Variants in ARID5B observed in about 807,000 individuals in gnomAD.
The protein encoded by ARID5B is AT-rich interaction domain 5B.
Under a neutral mutation model 97.2 loss-of-function variants are expected in ARID5B, and 13 were observed. The observed-to-expected ratio is 0.13, with a 90% CI of 0.09 to 0.21. The LOEUF (loss-of-function observed/expected upper bound fraction) is 0.21, where lower values mean the gene tolerates loss of function less well. ARID5B is among the 10% of genes least tolerant of loss of function. The pLI, the probability that ARID5B is intolerant of heterozygous loss-of-function variation, is 1.00. For missense variants in ARID5B, 1,210 were observed against 1,465.3 expected (o/e 0.83, Z 2.84); for synonymous variants, 556 against 570.3 (o/e 0.97, Z 0.36).
chr10:61,903,184 G>A (rs559577155), intron 2 of ARID5B, among the ~76,000 whole-genome samples: 2 of 151,970 alleles, frequency 1.3e-5, no homozygotes, highest in East Asian at 3.9e-4. Context: ...GGGGGCGGGG[G>A]AGGGGAGGGC....
intron 8 of ARID5B, among the ~76,000 whole-genome samples, chr10:62,084,645 T>A (rs1840257621): frequency 6.6e-6 from 1 of 152,246 alleles, no homozygotes; most frequent in African/African-American, 2.4e-5. Flanking sequence ...ATCACTGAAG[T>A]TGAAACTGAG....
In ARID5B at chr10:61,914,972, G is replaced by A. The variant is rs140562892; in HGVS notation, c.276+12559G>A. Among the ~76,000 whole-genome samples the A allele has an allele frequency of 1.1e-4, 16 of 152,248 alleles. No individual in the cohort carries two copies. In the East Asian group the frequency reaches 2.9e-3, roughly 28 times the overall value. Reference sequence around the variant, plus strand: ...TCTCATTATAACTTTAGAATATATTGAGAACTCTCAATATCAGCACTGGGG... The same window carrying A: ...TCTCATTATAACTTTAGAATATATTAAGAACTCTCAATATCAGCACTGGGG... On this transcript the variant is annotated intron_variant, in intron 2 of 9. Coordinates refer to ENST00000279873, the MANE Select transcript of ARID5B (RefSeq NM_032199.3).
chr10:61,954,504 T>C (rs1838365253), intron 3 of ARID5B, among the ~76,000 whole-genome samples: 1 of 152,198 alleles, frequency 6.6e-6, no homozygotes, highest in Non-Finnish European at 1.5e-5. Context: ...CTGATGCTAG[T>C]TGGCTAGAAA....
chr10:62,065,014 T>C (rs1033754971), intron 7 of ARID5B, among the ~76,000 whole-genome samples: 3 of 152,138 alleles, frequency 2.0e-5, no homozygotes, highest in Non-Finnish European at 4.4e-5. Flanking sequence ...CCTCAGATGA[T>C]CCACCCGTCT....
chr10:61,922,125 G>T (rs1178906762), intron 2 of ARID5B, among the ~76,000 whole-genome samples: 2 of 152,174 alleles, frequency 1.3e-5, no homozygotes, highest in Non-Finnish European at 2.9e-5. Context: ...TTGAAGATTT[G>T]TTAGTCTTAC....
In ARID5B at chr10:61,920,579, G is replaced by A. The variant is rs1355892813; in HGVS notation, c.276+18166G>A. ...TCGAACTCCTGACCTCAGGTTATCCGCCTGCCTTGGCCTCCCAAATAAAAG... is the reference window on the plus strand; with the variant it reads ...TCGAACTCCTGACCTCAGGTTATCCACCTGCCTTGGCCTCCCAAATAAAAG... On this transcript the variant is annotated intron_variant, in intron 2 of 9. Coordinates refer to ENST00000279873, the MANE Select transcript of ARID5B (RefSeq NM_032199.3). Among the ~76,000 whole-genome samples the A allele has an allele frequency of 2.0e-5, 3 of 151,804 alleles. No individual in the cohort carries two copies. The South Asian group carries it at 6.2e-4, about 32-fold the overall frequency.
At chr10:62,038,931 C>T (rs939680196) in intron 4 of ARID5B, among the ~76,000 whole-genome samples, 18 of 152,204 alleles carry the variant, frequency 1.2e-4, no homozygotes, top group African/African-American at 2.4e-4. Flanking sequence ...TATTTCTCCA[C>T]CTTCCGATTG....
intron 3 of ARID5B, among the ~76,000 whole-genome samples, 195 bp downstream of exon 3, chr10:61,940,603 C>A (rs1434962822): frequency 6.6e-6 from 1 of 151,754 alleles, no homozygotes; most frequent in African/African-American, 2.4e-5. Flanking sequence ...GATCAAAGGA[C>A]CTTTTATGTA....
chr10:61,980,782 A>G (rs1838766446), intron 3 of ARID5B, among the ~76,000 whole-genome samples: 1 of 152,138 alleles, frequency 6.6e-6, no homozygotes, highest in Non-Finnish European at 1.5e-5. Context: ...GCCTCCTCCA[A>G]AATCACAGGT....
At chr10:62,086,079 T>G (rs1252096389) in intron 9 of ARID5B, among the ~76,000 whole-genome samples, 179 bp downstream of exon 9, 1 of 152,162 alleles carries the variant, frequency 6.6e-6, no homozygotes, top group African/African-American at 2.4e-5. Context: ...CCTTTCAGCT[T>G]GCTCATGAGA....
At position 61,902,305 on chromosome 10, in the gene ARID5B, G is replaced by A. The variant is rs1843629952; in HGVS notation, c.168G>A (p.Glu56=). 3 of 1,614,166 alleles carry A rather than the reference G, an allele frequency of 1.9e-6. No homozygotes were observed. Among genetic ancestry groups the A allele is most frequent in the South Asian group, 2.2e-5 (2 of 91,080 alleles). Residue 56 remains glutamate, a synonymous_variant, in exon 2 of 10, where the codon GAG becomes GAA. Coordinates refer to ENST00000279873, the MANE Select transcript of ARID5B (RefSeq NM_032199.3). Reference sequence around the variant, plus strand: ...CAAAGGATCCGATTTGCATAGCGGAGCTCCAGCTGTTGTGGGAAGAGAGGA... The same window carrying A: ...CAAAGGATCCGATTTGCATAGCGGAACTCCAGCTGTTGTGGGAAGAGAGGA... ...CTPKDPICIA[E]LQLLWEERTS...
intron 9 of ARID5B, among the ~76,000 whole-genome samples, chr10:62,087,790 T>G (rs1840311905): frequency 6.6e-6 from 1 of 152,058 alleles, no homozygotes; most frequent in East Asian, 1.9e-4. Context: ...AATTTGTGGG[T>G]TTTTTGTTTT....
At chr10:61,941,809 C>T in intron 3 of ARID5B, among the ~76,000 whole-genome samples, 1 of 152,152 alleles carries the variant, frequency 6.6e-6, no homozygotes, top group East Asian at 1.9e-4. Context: ...TAGTGGTTTT[C>T]CTTCTAAAGC....
intron 3 of ARID5B, among the ~76,000 whole-genome samples, chr10:61,985,061 T>C (rs1164589757): frequency 2.0e-5 from 3 of 151,942 alleles, no homozygotes; most frequent in Non-Finnish European, 4.4e-5. Flanking sequence ...GAAAGATTAA[T>C]GAGTCATGGT....
intron 8 of ARID5B, among the ~76,000 whole-genome samples, chr10:62,070,439 C>A (rs2132954832): frequency 1.3e-5 from 2 of 152,310 alleles, no homozygotes; most frequent in South Asian, 4.1e-4. Context: ...CCGTTAAAGA[C>A]CAGTTAGCAG....
chr10:61,961,206 C>A (rs139936628), intron 3 of ARID5B, among the ~76,000 whole-genome samples: 2,802 of 152,226 alleles, frequency 0.018, 23 homozygotes, highest in Non-Finnish European at 0.023. Context: ...ATTTAAAGAA[C>A]TTTAAGTAGG....
intron 7 of ARID5B, among the ~76,000 whole-genome samples, chr10:62,068,003 G>A (rs1840016005): frequency 1.3e-5 from 2 of 152,172 alleles, no homozygotes; most frequent in African/African-American, 4.8e-5. Context: ...CTGAGTGAGG[G>A]GAATCTGGAG....
At chr10:62,023,258 A>C (rs1370150957) in intron 4 of ARID5B, among the ~76,000 whole-genome samples, 1 of 152,182 alleles carries the variant, frequency 6.6e-6, no homozygotes, top group Non-Finnish European at 1.5e-5. Context: ...ATCAACTCAG[A>C]CTTCTTGTGC....
intron 3 of ARID5B, among the ~76,000 whole-genome samples, chr10:61,980,517 GC>G (rs1199410532): frequency 6.6e-6 from 1 of 152,226 alleles, no homozygotes; most frequent in African/African-American, 2.4e-5. Context: ...GAGGAGAGAA[GC>G]CCAGCAAATG....
Sources: allele counts gnomAD v4.1 joint callset (sites outside exome capture counted in the v4.1 genomes callset), GRCh38; gene constraint gnomAD v4.1.1; transcripts MANE v1.5; gene names NCBI Gene and HGNC (gene_info 2026-07-23, HGNC 2026-07-21).